Variants in GRIA4 observed in about 807,000 individuals in gnomAD.
GRIA4 encodes glutamate ionotropic receptor AMPA type subunit 4.
Under a neutral mutation model 104.0 loss-of-function variants are expected in GRIA4, and 34 were observed. The observed-to-expected ratio is 0.33, with a 90% CI of 0.25 to 0.44. GRIA4 has a LOEUF of 0.44. GRIA4 is among the 20% of genes least tolerant of loss of function. The pLI is 1.00. For synonymous variants in GRIA4, 386 were observed against 381.9 expected (o/e 1.01, Z -0.13); for missense variants, 750 against 1,096.5 (o/e 0.68, Z 4.46).
chr11:105,829,774 G>A (rs1943906325), intron 4 of GRIA4, among the ~76,000 whole-genome samples: 1 of 151,852 alleles, frequency 6.6e-6, no homozygotes, highest in African/African-American at 2.4e-5. Context: ...ATTGAAGAGA[G>A]AGAAGCAGAA....
At chr11:105,875,474 G>A (rs1326232054) in intron 5 of GRIA4, among the ~76,000 whole-genome samples, 2 of 152,090 alleles carry the variant, frequency 1.3e-5, no homozygotes, top group East Asian at 3.9e-4. Flanking sequence ...GTTTGGAATT[G>A]TTTCAGAAGG....
chr11:105,773,765 C>G (rs1941323962), intron 4 of GRIA4, among the ~76,000 whole-genome samples: 1 of 151,744 alleles, frequency 6.6e-6, no homozygotes, highest in Non-Finnish European at 1.5e-5. Context: ...ACATTTCCAC[C>G]TGGTTGGGGA....
chr11:105,821,984 G>GTTCC (rs2135904865), intron 4 of GRIA4, among the ~76,000 whole-genome samples: 1 of 152,178 alleles, frequency 6.6e-6, no homozygotes, highest in South Asian at 2.1e-4. Context: ...CGCCACGCAG[G>GTTCC]TTCCCAGAAC....
At chr11:105,806,223 T>C (rs1197095753) in intron 4 of GRIA4, among the ~76,000 whole-genome samples, 1 of 151,852 alleles carries the variant, frequency 6.6e-6, no homozygotes, top group Non-Finnish European at 1.5e-5. Context: ...GGTTGAGATA[T>C]GTTCATATCC....
At chr11:105,918,572 T>C in intron 10 of GRIA4, 140 bp from the exon 11 acceptor site, 2 of 572,986 alleles carry the variant, frequency 3.5e-6, no homozygotes, top group Admixed American at 3.0e-5. Flanking sequence ...TGTTTTATTA[T>C]TGACTTCTAG....
At chr11:105,771,210 T>A (rs1389572659) in intron 4 of GRIA4, among the ~76,000 whole-genome samples, 3 of 152,108 alleles carry the variant, frequency 2.0e-5, no homozygotes, top group Non-Finnish European at 4.4e-5. Flanking sequence ...TTTGCCATTC[T>A]AGTTCTATCC....
chr11:105,762,733 C>T (rs186408328), intron 4 of GRIA4, among the ~76,000 whole-genome samples: 1 of 152,238 alleles, frequency 6.6e-6, no homozygotes, highest in African/African-American at 2.4e-5. Flanking sequence ...GGAAGTTCCC[C>T]TGCACATGCT....
At chr11:105,948,595 G>GTTTTTTTTTTTTTTTTTTTTTTGTTTT (rs3060323) in intron 14 of GRIA4, among the ~76,000 whole-genome samples, 1 of 87,868 alleles carries the variant, frequency 1.1e-5, no homozygotes, top group Non-Finnish European at 2.1e-5. Flanking sequence ...TTTTCTTTTT[G>GTTTTTTTTTTTTTTTTTTTTTTGTTTT]TTTTTTTTTT....
At chr11:105,956,938 C>A (rs1028127477) in intron 14 of GRIA4, among the ~76,000 whole-genome samples, 3 of 117,502 alleles carry the variant, frequency 2.6e-5, no homozygotes, top group African/African-American at 1.0e-4. Flanking sequence ...ATCCTTTGCC[C>A]ATTTTTTGAT....
At chr11:105,800,370 C>G (rs979199772) in intron 4 of GRIA4, among the ~76,000 whole-genome samples, 18 of 151,968 alleles carry the variant, frequency 1.2e-4, no homozygotes, top group Admixed American at 8.5e-4. Context: ...ATTTTCTAAG[C>G]CTCAGCTTCT....
At chr11:105,620,910 G>T (rs1480401284) in intron 3 of GRIA4, among the ~76,000 whole-genome samples, 5 of 151,338 alleles carry the variant, frequency 3.3e-5, no homozygotes, top group Admixed American at 1.3e-4. Context: ...CCATTTTTTG[G>T]GGGGGGTCAT....
chr11:105,714,384 G>T (rs192546489), intron 3 of GRIA4, among the ~76,000 whole-genome samples: 1 of 152,070 alleles, frequency 6.6e-6, no homozygotes, highest in East Asian at 1.9e-4. Flanking sequence ...TTAACAATCT[G>T]ATATCACTTT....
At chr11:105,749,514 A>G (rs1489651270) in intron 3 of GRIA4, among the ~76,000 whole-genome samples, 1 of 152,220 alleles carries the variant, frequency 6.6e-6, no homozygotes, top group Non-Finnish European at 1.5e-5. Flanking sequence ...TGCAATGGTC[A>G]GTAAAATTCA....
chr11:105,639,649 G>A (rs1320072826), intron 3 of GRIA4, among the ~76,000 whole-genome samples: 1 of 151,822 alleles, frequency 6.6e-6, no homozygotes, highest in Admixed American at 6.6e-5. Context: ...ATAAAACCAT[G>A]ATCATTATAA....
At chr11:105,740,422 T>C (rs566406914) in intron 3 of GRIA4, among the ~76,000 whole-genome samples, 2 of 152,370 alleles carry the variant, frequency 1.3e-5, no homozygotes, top group South Asian at 4.1e-4. Context: ...TCCTTTCTTA[T>C]TTCTTTTGCC....
chr11:105,934,103 A>C, intron 14 of GRIA4, 134 bp downstream of exon 14: 1 of 799,700 alleles, frequency 1.3e-6, no homozygotes, highest in Non-Finnish European at 1.9e-6. Context: ...TCTCCATTTC[A>C]TATATTTTGG....
intron 3 of GRIA4, among the ~76,000 whole-genome samples, chr11:105,620,506 C>CA (rs1374975472): frequency 1.3e-5 from 2 of 151,778 alleles, no homozygotes; most frequent in Non-Finnish European, 2.9e-5. Context: ...AAATACCCAA[C>CA]ATTCAGTGTG....
At chr11:105,692,675 T>C (rs146165990) in intron 3 of GRIA4, among the ~76,000 whole-genome samples, 89 of 152,366 alleles carry the variant, frequency 5.8e-4, no homozygotes, top group Non-Finnish European at 1.1e-3. Flanking sequence ...TCTAGGGATA[T>C]GGAATTGTGA....
chr11:105,807,116 A>G (rs1039055579), intron 4 of GRIA4, among the ~76,000 whole-genome samples: 26 of 151,972 alleles, frequency 1.7e-4, no homozygotes, highest in African/African-American at 5.5e-4. Context: ...TCAAAACAAC[A>G]AATGAGGGAA....
Sources: allele counts gnomAD v4.1 joint callset (sites outside exome capture counted in the v4.1 genomes callset), GRCh38; gene constraint gnomAD v4.1.1; transcripts MANE v1.5; gene names NCBI Gene and HGNC (gene_info 2026-07-23, HGNC 2026-07-21).